DNAH17: variants seen among roughly 807,000 people sequenced by gnomAD.
DNAH17 encodes the protein dynein axonemal heavy chain 17, also known as axonemal beta dynein heavy chain 17.
A neutral mutation model predicts 485.6 loss-of-function variants in DNAH17; 376 were observed. The observed-to-expected ratio is 0.77, with a 90% CI of 0.71 to 0.84. The LOEUF (loss-of-function observed/expected upper bound fraction) is 0.84. Ranked by LOEUF, DNAH17 falls within the 40% of genes least tolerant of loss-of-function variation. DNAH17 has a pLI of 0.00. For synonymous variants in DNAH17, 3,031 were observed against 2,405.9 expected, an observed-to-expected ratio of 1.26 and a Z score of -7.60; for missense variants, 6,370 against 5,839.3, an observed-to-expected ratio of 1.09 and a Z score of -2.96.
chr17:78,537,294 C>G lies in DNAH17; in HGVS notation c.2859+5G>C. On this transcript the variant is annotated splice_donor_5th_base_variant and intron_variant, in intron 19 of 80. Coordinates refer to ENST00000389840, the MANE Select transcript of DNAH17 (RefSeq NM_173628.4). ...TGTGTACGGCCAGAAGAGGCCAGGA[C>G]TGACCTTGTAGTTCATCCTGTCCTT... 1 of 1,557,296 alleles carries G rather than the reference C, an allele frequency of 6.4e-7. No homozygotes were observed. Among genetic ancestry groups the G allele is most frequent in the Non-Finnish European group, 8.7e-7 (1 of 1,150,508 alleles).
At chr17:78,549,012 A>T (rs2091840986) in intron 16 of DNAH17, among the ~76,000 whole-genome samples, 1 of 152,184 alleles carries the variant, frequency 6.6e-6, no homozygotes, top group Non-Finnish European at 1.5e-5. Context: ...GAGACACAGG[A>T]GGTCAGCTGA....
Position 78,506,607 on chromosome 17 carries a change from T to C in DNAH17, c.4803+113A>G, listed in dbSNP as rs894810625. On this transcript the variant is annotated intron_variant, in intron 30 of 80. Coordinates refer to ENST00000389840, the MANE Select transcript of DNAH17 (RefSeq NM_173628.4). ...GGTGCAGAGGGCCTCCTGGAGATGA[T>C]GGGGCACGTCCAAGGACACTTACCC... 32 of 1,480,484 alleles carry C rather than the reference T, an allele frequency of 2.2e-5. No homozygotes were observed. The African/African-American group carries it at 2.9e-4, about 14-fold the overall frequency. 91.7% of individuals were successfully genotyped at this position (1,480,484 alleles called of 1,614,324 possible).
chr17:78,515,593 G>A (rs1255884168), intron 25 of DNAH17, among the ~76,000 whole-genome samples: 1 of 152,258 alleles, frequency 6.6e-6, no homozygotes, highest in Admixed American at 6.5e-5. Context: ...TGCTGGCCAG[G>A]ACCCAGTTTT....
chr17:78,521,121 C>T (rs896246515), intron 25 of DNAH17, among the ~76,000 whole-genome samples: 14 of 152,072 alleles, frequency 9.2e-5, no homozygotes, highest in African/African-American at 3.1e-4. Flanking sequence ...TTAAATGGAG[C>T]GGGGCCAGGC....
At position 78,502,669 on chromosome 17, in the gene DNAH17, C is replaced by A; in HGVS notation, c.5112G>T (p.Trp1704Cys). ...CAAATGCCAGGCCCACCTCGGTCGT[C>A]CACCAGATCTGGGTGCAAGTCAGGG... is the stretch of plus-strand genomic sequence containing the variant. ...QVALTCTQIWWTTEVGLAFAR... is the reference protein window; with the variant it reads ...QVALTCTQIWCTTEVGLAFAR... Residue 1704 changes from tryptophan to cysteine, a missense_variant, in exon 33 of 81, where the codon TGG (tryptophan) becomes TGT (cysteine). Coordinates refer to ENST00000389840, the MANE Select transcript of DNAH17 (RefSeq NM_173628.4). 6.2e-7 allele frequency: 1 copy of A among 1,612,748 alleles called. No homozygotes were observed. The highest frequency in any genetic ancestry group is 8.5e-7 in the Non-Finnish European group (1 of 1,179,946).
At chr17:78,543,000 G>A (rs1412325950) in intron 17 of DNAH17, among the ~76,000 whole-genome samples, 2 of 152,234 alleles carry the variant, frequency 1.3e-5, no homozygotes, top group Non-Finnish European at 2.9e-5. Flanking sequence ...CTGGGCGAGG[G>A]CTCTGGTACC....
In DNAH17 at chr17:78,425,361, C is replaced by G; in HGVS notation, c.13126G>C (p.Gly4376Arg). 1 of 1,613,890 alleles carries G rather than the reference C, an allele frequency of 6.2e-7. No homozygotes were observed. Among genetic ancestry groups the G allele is most frequent in the Non-Finnish European group, 8.5e-7 (1 of 1,179,828 alleles). The change falls in exon 80 of 81, where the codon GGA becomes CGA. Residue 4376 changes from glycine (G) to arginine (R), a missense_variant. Physicochemically the swap from Gly to Arg is moderately radical, Grantham distance 125. Transcript: ENST00000389840. ...CCCTCCTTACCTTCCATGAAGAGTCCGTACACGTAGGAGCCCTCTCGCGGA... is the reference window on the plus strand; with the variant it reads ...CCCTCCTTACCTTCCATGAAGAGTCGGTACACGTAGGAGCCCTCTCGCGGA... ...APPREGSYVY[G>R]LFMEGARWDT...
In DNAH17 at chr17:78,428,791, A is replaced by G. The variant is rs1247929701; in HGVS notation, c.12406-84T>C. On this transcript the variant is annotated intron_variant, in intron 76 of 80. Transcript: ENST00000389840. ...CTGTTGGTTAAGCATTCCTTGCCAG[A>G]ACGTTCACCCACACCTTGCTGTCTG... 8.7e-6 allele frequency: 13 copies of G among 1,500,826 alleles called. No homozygotes were observed. In the Admixed American group the frequency reaches 2.2e-4, roughly 26 times the overall value. 93.0% of individuals were successfully genotyped at this position (1,500,826 alleles called of 1,614,324 possible).
rs1292935712 is a variant in DNAH17 at position 78,450,216 on chromosome 17, C to T, written c.11040+38G>A. 3.1e-6 allele frequency: 5 copies of T among 1,611,274 alleles called. No homozygotes were observed. In the Admixed American group the frequency reaches 5.0e-5, roughly 16 times the overall value. ...GCTGTGGAGCCCAGATGCAGCCCCA[C>T]CTTGAGGGAGGCACCCAGCCCCAGC... On this transcript the variant is annotated intron_variant, in intron 68 of 80. Transcript: ENST00000389840.
intron 71 of DNAH17, among the ~76,000 whole-genome samples, chr17:78,442,084 G>C (rs547980782): frequency 6.7e-6 from 1 of 149,270 alleles, no homozygotes; most frequent in Non-Finnish European, 1.5e-5. Context: ...CTCCATCTCA[G>C]AAAAAAAAAA....
intron 11 of DNAH17, among the ~76,000 whole-genome samples, chr17:78,564,190 T>TC (rs2092219733): frequency 6.6e-6 from 1 of 152,002 alleles, no homozygotes; most frequent in Non-Finnish European, 1.5e-5. Flanking sequence ...CCCAGCTCCC[T>TC]CCCCACTGCC....
intron 3 of DNAH17, 92 bp from the exon 4 acceptor site, chr17:78,571,874 C>T: frequency 7.9e-7 from 1 of 1,259,674 alleles, no homozygotes; most frequent in Non-Finnish European, 1.1e-6. Flanking sequence ...CCACCAATCC[C>T]AAACCACCAG....
At chr17:78,517,805 A>T (rs1187798269) in intron 25 of DNAH17, among the ~76,000 whole-genome samples, 1 of 152,186 alleles carries the variant, frequency 6.6e-6, no homozygotes, top group African/African-American at 2.4e-5. Context: ...TCTCTCTTAC[A>T]ACTGAAAAAC....
chr17:78,444,615 G>A lies in DNAH17; in HGVS notation c.11517C>T (p.Thr3839=). The change falls in exon 71 of 81, where the codon ACC becomes ACT. Residue 3839 remains threonine (T), a synonymous_variant. Coordinates refer to ENST00000389840, the MANE Select transcript of DNAH17 (RefSeq NM_173628.4). ...MVRCLRPDRM[T]YAIKNFVEEK... ...GGCGGGACACTCACTTGATAGCGTA[G>A]GTCATGCGATCTGGCCGCAGGCAGC... 1.3e-6 allele frequency: 2 copies of A among 1,568,326 alleles called. No homozygotes were observed. Among genetic ancestry groups the A allele is most frequent in the Non-Finnish European group, 1.7e-6 (2 of 1,157,572 alleles).
At chr17:78,431,316 G>A (rs993192165) in intron 75 of DNAH17, among the ~76,000 whole-genome samples, 1 of 152,212 alleles carries the variant, frequency 6.6e-6, no homozygotes, top group South Asian at 2.1e-4. Context: ...TGGAGGCAGC[G>A]TCTGTGTCTC....
At chr17:78,544,133 C>G in intron 16 of DNAH17, 136 bp from the exon 17 acceptor site, 2 of 1,264,284 alleles carry the variant, frequency 1.6e-6, no homozygotes, top group Non-Finnish European at 2.2e-6. Flanking sequence ...CTCCACGATC[C>G]ATGCCCATCA....
At chr17:78,441,521 G>C (rs2087075650) in intron 71 of DNAH17, among the ~76,000 whole-genome samples, 1 of 152,156 alleles carries the variant, frequency 6.6e-6, no homozygotes, top group African/African-American at 2.4e-5. Flanking sequence ...TGAGAAGGAA[G>C]GAAGTTCAGA....
intron 5 of DNAH17, 28 bp from the exon 6 acceptor site, chr17:78,571,061 C>CTA: frequency 6.4e-7 from 1 of 1,550,784 alleles, no homozygotes; most frequent in Non-Finnish European, 8.7e-7. Flanking sequence ...AAGTGCCCAC[C>CTA]GGTAAGAGAG....
chr17:78,424,006 C>G lies in DNAH17; in HGVS notation c.13289G>C (p.Arg4430Pro). 2.5e-6 allele frequency: 4 copies of G among 1,614,042 alleles called. No homozygotes were observed. The highest frequency in any genetic ancestry group is 3.4e-6 in the Non-Finnish European group (4 of 1,179,904). The part of the protein sequence containing the change: ...NIYECPVYKT[R>P]IRGPTYVWTF... ...CCAGACATAGGTGGGGCCGCGGATG[C>G]GTGTTTTGTACACGGGACACTCATA... The change falls in exon 81 of 81, where the codon CGC becomes CCC. Residue 4430 changes from arginine to proline, a missense_variant. Arg to Pro is a moderately radical substitution (Grantham distance 103). Coordinates refer to ENST00000389840, the MANE Select transcript of DNAH17 (RefSeq NM_173628.4).
Sources: gnomAD v4.1 joint callset for allele counts (sites outside exome capture counted in the v4.1 genomes callset) on GRCh38, gnomAD v4.1.1 for gene constraint, MANE v1.5 for transcripts, NCBI Gene and HGNC (gene_info 2026-07-23, HGNC 2026-07-21) for gene names.